The following KALRN variants were observed in gnomAD, a reference collection of about 807,000 sequenced individuals.
KALRN encodes the protein kalirin.
KALRN carries 70 observed loss-of-function variants against 353.7 expected under a neutral mutation model. The observed-to-expected ratio is 0.20, with a 90% confidence interval of 0.16 to 0.24. The LOEUF (loss-of-function observed/expected upper bound fraction) is 0.24, where lower values mean the gene tolerates loss of function less well. Ranked by LOEUF, KALRN falls within the 10% of genes least tolerant of loss-of-function variation. KALRN has a pLI of 1.00. For missense variants in KALRN, 2,791 were observed against 3,756.7 expected (o/e 0.74, Z 6.72); for synonymous variants, 1,391 against 1,434.8 (o/e 0.97, Z 0.69).
At chr3:124,408,173 A>G (rs1457281287) in intron 13 of KALRN, among the ~76,000 whole-genome samples, 1 of 104,592 alleles carries the variant, frequency 9.6e-6, no homozygotes, top group African/African-American at 3.9e-5. Flanking sequence ...CACAAACACA[A>G]AATTTCTTGG....
intron 1 of KALRN, among the ~76,000 whole-genome samples, chr3:124,049,548 C>T (rs2040835455): frequency 6.6e-6 from 1 of 152,184 alleles, no homozygotes; most frequent in African/African-American, 2.4e-5. Flanking sequence ...AGCTGCTTCT[C>T]TGGGGTCTCC....
intron 1 of KALRN, among the ~76,000 whole-genome samples, chr3:124,145,736 C>T (rs1261350364): frequency 6.6e-6 from 1 of 152,182 alleles, no homozygotes; most frequent in East Asian, 1.9e-4. Flanking sequence ...ATCTGGTGAG[C>T]CAGAAGCCAG....
chr3:124,268,142 C>T (rs1428166391), intron 4 of KALRN, among the ~76,000 whole-genome samples: 1 of 152,194 alleles, frequency 6.6e-6, no homozygotes, highest in African/African-American at 2.4e-5. Flanking sequence ...GACAAACATT[C>T]TCCAGTCCGC....
At chr3:124,452,446 G>A (rs9825441) in intron 21 of KALRN, among the ~76,000 whole-genome samples, 4,047 of 152,248 alleles carry the variant, frequency 0.027, 191 homozygotes, top group African/African-American at 0.091. Flanking sequence ...TATAAATAAT[G>A]TGATGTATGC....
chr3:124,139,095 A>G (rs1209550314), intron 1 of KALRN, among the ~76,000 whole-genome samples: 1 of 152,178 alleles, frequency 6.6e-6, no homozygotes, highest in Non-Finnish European at 1.5e-5. Context: ...CTTTTGTGGT[A>G]GAGAAGAGCT....
rs766536285 is a variant in KALRN at position 124,347,222 on chromosome 3, G to A, written c.1727G>A (p.Arg576Gln). ...GTTGGGAAGTCCCTACATCGAGCCCGGGCCCTGCAGAAGAGGCATGATGAC... is the reference window on the plus strand; with the variant it reads ...GTTGGGAAGTCCCTACATCGAGCCCAGGCCCTGCAGAAGAGGCATGATGAC... ...TGVGKSLHRA[R>Q]ALQKRHDDFE... The change falls in exon 10 of 60, where the codon CGG becomes CAG. Residue 576 changes from arginine to glutamine, a missense_variant. Transcript: ENST00000682506. 6 of 1,613,214 alleles carry A rather than the reference G, an allele frequency of 3.7e-6. No homozygotes were observed. Among genetic ancestry groups the A allele is most frequent in the Non-Finnish European group, 5.1e-6 (6 of 1,179,804 alleles).
chr3:124,194,765 G>A (rs1243395634), intron 1 of KALRN, among the ~76,000 whole-genome samples: 1 of 152,148 alleles, frequency 6.6e-6, no homozygotes, highest in East Asian at 1.9e-4. Context: ...TTGTATGCCA[G>A]GTACTGCCAG....
At chr3:124,570,105 A>G (rs1415560192) in intron 34 of KALRN, among the ~76,000 whole-genome samples, 4 of 152,206 alleles carry the variant, frequency 2.6e-5, no homozygotes, top group Non-Finnish European at 4.4e-5. Flanking sequence ...GAGTCCTCCA[A>G]AGGTCTTTCT....
chr3:124,655,678 G>C lies in KALRN; in HGVS notation c.5862+11G>C. The C allele has an allele frequency of 6.2e-7, 1 of 1,611,676 alleles. No individual in the cohort carries two copies. The highest frequency in any genetic ancestry group is 1.7e-5 in the Admixed American group (1 of 60,016). On this transcript the variant is annotated intron_variant, in intron 39 of 59. Transcript: ENST00000682506. ...GGCATTGTGGTGGAGGTAAGTAGAG[G>C]GTTCCAGGTGGGTCTGTGGTCACCC...
intron 1 of KALRN, among the ~76,000 whole-genome samples, chr3:124,149,753 T>C (rs1578637126): frequency 6.6e-6 from 1 of 152,302 alleles, no homozygotes; most frequent in South Asian, 2.1e-4. Context: ...TCTAGGAAAC[T>C]CTGAAAATAA....
At chr3:124,183,566 C>A (rs1279217604) in intron 1 of KALRN, among the ~76,000 whole-genome samples, 1 of 152,124 alleles carries the variant, frequency 6.6e-6, no homozygotes, top group Non-Finnish European at 1.5e-5. Context: ...TGGGTGGGGA[C>A]AAACATCCAA....
chr3:124,606,104 A>G (rs942306720), intron 34 of KALRN, among the ~76,000 whole-genome samples: 3 of 152,220 alleles, frequency 2.0e-5, no homozygotes, highest in Non-Finnish European at 4.4e-5. Flanking sequence ...ATAGTCATGC[A>G]TCTGTTCAGC....
At chr3:124,058,163 T>C (rs2041714508) in intron 1 of KALRN, among the ~76,000 whole-genome samples, 1 of 152,110 alleles carries the variant, frequency 6.6e-6, no homozygotes, top group Non-Finnish European at 1.5e-5. Context: ...ACTGAGTTCC[T>C]CCCACGACAG....
chr3:124,285,648 G>T (rs900346205), intron 5 of KALRN, among the ~76,000 whole-genome samples: 3 of 152,112 alleles, frequency 2.0e-5, no homozygotes, highest in Non-Finnish European at 4.4e-5. Context: ...TGATTCTCCT[G>T]CCTCAACCTC....
intron 39 of KALRN, 48 bp downstream of exon 39, chr3:124,655,715 C>G: frequency 7.2e-7 from 1 of 1,391,140 alleles, no homozygotes; most frequent in Non-Finnish European, 1.0e-6. Context: ...ACCAGGAGCA[C>G]GTTGGACCCT....
chr3:124,638,468 C>T (rs2081621339), intron 37 of KALRN, among the ~76,000 whole-genome samples: 1 of 152,158 alleles, frequency 6.6e-6, no homozygotes, highest in African/African-American at 2.4e-5. Flanking sequence ...CATTGACTTT[C>T]AAAGACCCCT....
At chr3:124,424,576 A>C (rs1203957780) in intron 15 of KALRN, among the ~76,000 whole-genome samples, 1 of 152,138 alleles carries the variant, frequency 6.6e-6, no homozygotes, top group African/African-American at 2.4e-5. Flanking sequence ...GCACAGATTA[A>C]ATTCCTGAGC....
chr3:124,696,986 C>T (rs2062083646), intron 54 of KALRN, among the ~76,000 whole-genome samples: 1 of 152,190 alleles, frequency 6.6e-6, no homozygotes, highest in Non-Finnish European at 1.5e-5. Flanking sequence ...AGTAGCATGA[C>T]ACCACTCACT....
chr3:124,477,358 A>G, intron 27 of KALRN, 24 bp downstream of exon 27: 6 of 1,533,014 alleles, frequency 3.9e-6, no homozygotes, highest in Non-Finnish European at 5.4e-6. Flanking sequence ...TCCATTCTTG[A>G]GCAGCTGATG....
Sources: gnomAD v4.1 joint callset for allele counts (sites outside exome capture counted in the v4.1 genomes callset) on GRCh38, gnomAD v4.1.1 for gene constraint, MANE v1.5 for transcripts, NCBI Gene and HGNC (gene_info 2026-07-23, HGNC 2026-07-21) for gene names.